Variants in FGF1 observed in about 807,000 individuals in gnomAD.
FGF1 encodes fibroblast growth factor 1.
In FGF1, 9 loss-of-function variants were observed where a neutral mutation model predicts 13.4. The ratio of observed to expected loss-of-function variants is 0.67; its 90% CI spans 0.40 to 1.17. The LOEUF (loss-of-function observed/expected upper bound fraction) is 1.17. Ranked by LOEUF, FGF1 falls within the 50% of genes most tolerant of loss-of-function variation. The pLI, the probability that FGF1 is intolerant of heterozygous loss-of-function variation, is 0.01. For synonymous variants in FGF1, 93 were observed against 79.0 expected, an observed-to-expected ratio of 1.18 and a Z score of -0.94; for missense variants, 156 against 192.7, an observed-to-expected ratio of 0.81 and a Z score of 1.13.
intron 1 of FGF1, among the ~76,000 whole-genome samples, chr5:142,672,652 G>A (rs528052594): frequency 2.0e-5 from 3 of 151,906 alleles, no homozygotes; most frequent in East Asian, 1.9e-4. Context: ...TTACAGGCAC[G>A]CACCACCATG....
intron 1 of FGF1, among the ~76,000 whole-genome samples, chr5:142,626,555 A>C (rs560241919): frequency 1.3e-5 from 2 of 152,318 alleles, no homozygotes; most frequent in South Asian, 4.1e-4. Flanking sequence ...GAGCTTCTCT[A>C]TTCTTTTTAC....
chr5:142,639,545 A>G (rs1379209380), intron 1 of FGF1, among the ~76,000 whole-genome samples: 1 of 151,956 alleles, frequency 6.6e-6, no homozygotes, highest in Non-Finnish European at 1.5e-5. Context: ...AGAGAGTAGA[A>G]TGGTGGTTGC....
intron 1 of FGF1, among the ~76,000 whole-genome samples, chr5:142,636,369 G>A (rs1467469009): frequency 1.3e-5 from 2 of 152,190 alleles, no homozygotes; most frequent in East Asian, 3.8e-4. Context: ...GGTGGCTCAG[G>A]ATTACCATGA....
chr5:142,642,431 C>T (rs1765349209), intron 1 of FGF1, among the ~76,000 whole-genome samples: 1 of 152,226 alleles, frequency 6.6e-6, no homozygotes. Context: ...CACATGCCAG[C>T]AACTTTGTTT....
intron 1 of FGF1, among the ~76,000 whole-genome samples, chr5:142,673,612 T>G (rs1454608936): frequency 2.0e-5 from 3 of 152,216 alleles, no homozygotes; most frequent in Admixed American, 1.3e-4. Context: ...AGCTAATTTC[T>G]GGAAGAACCA....
At chr5:142,596,666 C>A (rs940342566) in intron 3 of FGF1, among the ~76,000 whole-genome samples, 1 of 151,522 alleles carries the variant, frequency 6.6e-6, no homozygotes, top group East Asian at 1.9e-4. Flanking sequence ...GATTGCTCGA[C>A]CCCAGGAGTT....
At chr5:142,686,415 G>C (rs1751226067), upstream of FGF1, 1 of 153,000 alleles carries the variant, frequency 6.5e-6, no homozygotes, top group Non-Finnish European at 1.5e-5. Flanking sequence ...GGTAGAGACA[G>C]AAGACGGTGG....
chr5:142,674,529 A>G lies in FGF1; in HGVS notation c.-35+11428T>C, dbSNP rs554290960. Among the ~76,000 whole-genome samples, 5 of 152,276 alleles carry G rather than the reference A, an allele frequency of 3.3e-5. No individual in the cohort carries two copies. The South Asian group carries it at 1.0e-3, about 32-fold the overall frequency. ...AGTTAAAAATAAAACCCTTGGGTAGAGTGAGAAGCCTTTAAAGAGGCTGGG... is the reference window on the plus strand; with the variant it reads ...AGTTAAAAATAAAACCCTTGGGTAGGGTGAGAAGCCTTTAAAGAGGCTGGG... On this transcript the variant is annotated intron_variant, in intron 1 of 3. Transcript: ENST00000337706.
intron 2 of FGF1, among the ~76,000 whole-genome samples, chr5:142,608,566 A>ATATAAATATATATACACATC (rs1561538048): frequency 9.8e-6 from 1 of 102,244 alleles, no homozygotes; most frequent in African/African-American, 4.8e-5. Flanking sequence ...ATATATATAT[A>ATATAAATATATATACACATC]TATATATATA....
chr5:142,639,276 C>A (rs1364157067), intron 1 of FGF1, among the ~76,000 whole-genome samples: 1 of 151,890 alleles, frequency 6.6e-6, no homozygotes, highest in Non-Finnish European at 1.5e-5. Context: ...ACCTAAGTGT[C>A]CATTTACAGA....
chr5:142,688,631 AC>A (rs1186869069), upstream of FGF1, among the ~76,000 whole-genome samples: 1 of 152,190 alleles, frequency 6.6e-6, no homozygotes, highest in Non-Finnish European at 1.5e-5. Context: ...CCCTGATAAA[AC>A]CTTGTAGGAG....
intron 2 of FGF1, among the ~76,000 whole-genome samples, chr5:142,601,437 G>A (rs1031311715): frequency 3.3e-5 from 5 of 152,152 alleles, no homozygotes; most frequent in African/African-American, 1.2e-4. Context: ...CAATCCCTCA[G>A]CCTCTATGGC....
At chr5:142,673,258 T>C (rs1771847767) in intron 1 of FGF1, among the ~76,000 whole-genome samples, 1 of 152,074 alleles carries the variant, frequency 6.6e-6, no homozygotes, top group African/African-American at 2.4e-5. Flanking sequence ...ATTTGGGCCT[T>C]TTCTCATCTT....
chr5:142,608,797 ATGTGTG>A (rs3083618), intron 2 of FGF1, among the ~76,000 whole-genome samples: 1 of 144,716 alleles, frequency 6.9e-6, no homozygotes, highest in East Asian at 2.0e-4. Context: ...GTGATATATT[ATGTGTG>A]TGTGTGTGTG....
At chr5:142,642,372 C>T (rs1765339201) in intron 1 of FGF1, among the ~76,000 whole-genome samples, 2 of 152,220 alleles carry the variant, frequency 1.3e-5, no homozygotes, top group Admixed American at 1.3e-4. Flanking sequence ...ATGTCCTGAT[C>T]AAGGCCTGAG....
chr5:142,678,489 G>C, intron 1 of FGF1, among the ~76,000 whole-genome samples: 1 of 152,250 alleles, frequency 6.6e-6, no homozygotes, highest in Middle Eastern at 3.4e-3. Context: ...CCACCTTGCT[G>C]CTTCTTGGTG....
chr5:142,597,381 T>TA (rs1407667834), intron 3 of FGF1, among the ~76,000 whole-genome samples: 1 of 152,122 alleles, frequency 6.6e-6, no homozygotes, highest in African/African-American at 2.4e-5. Flanking sequence ...GTTAAGTGGG[T>TA]AAAAGAATAT....
intron 1 of FGF1, among the ~76,000 whole-genome samples, chr5:142,678,017 G>A (rs1217624425): frequency 2.6e-5 from 4 of 152,254 alleles, no homozygotes; most frequent in African/African-American, 7.2e-5. Flanking sequence ...GAACTGGGGG[G>A]AAAGCATCCC....
intron 1 of FGF1, among the ~76,000 whole-genome samples, chr5:142,619,808 G>C (rs974345849): frequency 4.0e-5 from 6 of 149,838 alleles, no homozygotes; most frequent in Non-Finnish European, 5.9e-5. Flanking sequence ...ACTCCAGCCT[G>C]AGCAACAACA....
Sources: gnomAD v4.1 joint callset for allele counts (sites outside exome capture counted in the v4.1 genomes callset) on GRCh38, gnomAD v4.1.1 for gene constraint, MANE v1.5 for transcripts, NCBI Gene and HGNC (gene_info 2026-07-23, HGNC 2026-07-21) for gene names.